SMARCA2: variants seen among roughly 807,000 people sequenced by gnomAD.
SMARCA2 encodes SWI/SNF related BAF chromatin remodeling complex subunit ATPase 2.
Under a neutral mutation model 199.8 loss-of-function variants are expected in SMARCA2, and 61 were observed. The ratio of observed to expected loss-of-function variants is 0.31; its 90% CI spans 0.25 to 0.38. SMARCA2 has a LOEUF of 0.38. SMARCA2 is among the 10% of genes least tolerant of loss of function. SMARCA2 has a pLI of 1.00. For missense variants in SMARCA2, 1,344 were observed against 2,012.2 expected, an observed-to-expected ratio of 0.67 and a Z score of 6.35; for synonymous variants, 935 against 732.0, an observed-to-expected ratio of 1.28 and a Z score of -4.48.
In SMARCA2 at chr9:2,103,983, T is replaced by C; in HGVS notation, c.3126-20T>C. 6.2e-7 allele frequency: 1 copy of C among 1,610,234 alleles called. No individual in the cohort carries two copies. ...CAGAAGTAATACTGTCTTCTTGTTTTTGCATTTTTTTGGGTTCAGGGCTGA... is the reference window on the plus strand; with the variant it reads ...CAGAAGTAATACTGTCTTCTTGTTTCTGCATTTTTTTGGGTTCAGGGCTGA... On this transcript the variant is annotated intron_variant, in intron 22 of 33. Transcript: ENST00000349721.
intron 30 of SMARCA2, 70 bp downstream of exon 30, chr9:2,181,746 T>A: frequency 1.1e-6 from 1 of 873,832 alleles, no homozygotes; most frequent in Non-Finnish European, 1.9e-6. Flanking sequence ...TTGAAATGGT[T>A]GTAGTTGGAG....
chr9:2,078,404 G>T (rs1319592613), intron 14 of SMARCA2, among the ~76,000 whole-genome samples: 1 of 152,070 alleles, frequency 6.6e-6, no homozygotes, highest in African/African-American at 2.4e-5. Flanking sequence ...CTCCGGAGGT[G>T]GAGGTTGCAG....
In SMARCA2 at chr9:2,115,480, G is replaced by GTCATAATTC. The variant is rs1396335806; in HGVS notation, c.3457-340_3457-332dup. On this transcript the variant is annotated intron_variant, in intron 24 of 33. Transcript: ENST00000349721. This position sits in a 1 kb window ranked among gnomAD's most constrained non-coding sequence, Gnocchi z 6.0. Reference sequence around the variant, plus strand: ...AAGGTTAGTTGTAGGTGTTATGTAAGTCATAATTCTGACATTGGACATTGG... The same window carrying GTCATAATTC: ...AAGGTTAGTTGTAGGTGTTATGTAAGTCATAATTCTCATAATTCTGACATTGGACATTGG... Among the ~76,000 whole-genome samples, 4 of 152,314 alleles carry GTCATAATTC rather than the reference G, an allele frequency of 2.6e-5. No homozygotes were observed. In the East Asian group the frequency reaches 7.7e-4, roughly 29 times the overall value.
Position 2,039,951 on chromosome 9 carries a change from C to T in SMARCA2, c.790+51C>T. ...TAATGCCATGGTCCAACTCGGATAA[C>T]AAAGACTGCTCACCAAAACACCGGG... On this transcript the variant is annotated intron_variant, in intron 4 of 33. Coordinates refer to ENST00000349721, the MANE Select transcript of SMARCA2 (RefSeq NM_003070.5). This position sits in a 1 kb window ranked among gnomAD's most constrained non-coding sequence, Gnocchi z 4.8. 3.1e-6 allele frequency: 5 copies of T among 1,596,614 alleles called. No homozygotes were observed. The highest frequency in any genetic ancestry group is 1.7e-5 in the Admixed American group (1 of 59,556).
chr9:2,084,146 C>T lies in SMARCA2; in HGVS notation c.2476C>T (p.Leu826Phe), dbSNP rs1214524871. 1 of 1,611,678 alleles carries T rather than the reference C, an allele frequency of 6.2e-7. No homozygotes were observed. The highest frequency in any genetic ancestry group is 1.1e-5 in the South Asian group (1 of 91,020). Reference sequence around the variant, plus strand: ...GCTACGGAGTGGCAAATTCAATGTCCTCTTGACTACTTATGAGTATATTAT... The same window carrying T: ...GCTACGGAGTGGCAAATTCAATGTCTTCTTGACTACTTATGAGTATATTAT... ...PQLRSGKFNV[L>F]LTTYEYIIKD... Residue 826 changes from leucine to phenylalanine, a missense_variant, in exon 17 of 34, where the codon CTC (leucine) becomes TTC (phenylalanine). By Grantham distance (22) the Leu-to-Phe change is conservative. This residue lies in a region of SMARCA2 where 19 missense variants were observed against 119.6 expected (regional missense o/e 0.16). Coordinates refer to ENST00000349721, the MANE Select transcript of SMARCA2 (RefSeq NM_003070.5).
At chr9:2,101,543 C>A in intron 21 of SMARCA2, 27 bp from the exon 22 acceptor site, 2 of 1,305,262 alleles carry the variant, frequency 1.5e-6, no homozygotes, top group South Asian at 1.4e-5. Flanking sequence ...TTTTTAAAAT[C>A]ATTCTTTCTA....
intron 27 of SMARCA2, among the ~76,000 whole-genome samples, chr9:2,135,897 A>G (rs1381177261): frequency 6.6e-6 from 1 of 151,816 alleles, no homozygotes; most frequent in Non-Finnish European, 1.5e-5. Flanking sequence ...GTTGGAGTGC[A>G]ATGGTGCAAT....
intron 27 of SMARCA2, among the ~76,000 whole-genome samples, chr9:2,155,592 T>C (rs547337530): frequency 4.1e-4 from 63 of 152,298 alleles, no homozygotes; most frequent in African/African-American, 1.4e-3. Context: ...TTTTCGTTTT[T>C]CCAACCAAAT....
chr9:2,173,000 G>C (rs1826340433), intron 29 of SMARCA2, among the ~76,000 whole-genome samples: 1 of 152,184 alleles, frequency 6.6e-6, no homozygotes, highest in Non-Finnish European at 1.5e-5. Context: ...GCAGTAGGTA[G>C]GAAGACAAGG....
chr9:2,072,703 A>T (rs150448566), intron 10 of SMARCA2, among the ~76,000 whole-genome samples: 5 of 152,358 alleles, frequency 3.3e-5, no homozygotes, highest in African/African-American at 1.2e-4. Context: ...AGTCTGCCTG[A>T]TTTAAATAAA....
intron 22 of SMARCA2, 35 bp downstream of exon 22, chr9:2,101,651 A>T: frequency 2.6e-6 from 3 of 1,159,326 alleles, no homozygotes; most frequent in South Asian, 1.3e-5. Flanking sequence ...TTAAAAAAAA[A>T]TGTTGTTGGC....
chr9:2,031,106 T>A (rs1359020601), intron 2 of SMARCA2, among the ~76,000 whole-genome samples: 1 of 152,214 alleles, frequency 6.6e-6, no homozygotes, highest in Non-Finnish European at 1.5e-5. Flanking sequence ...TTGGTTACTT[T>A]TCTTTTGCTA....
intron 9 of SMARCA2, among the ~76,000 whole-genome samples, chr9:2,063,137 G>T (rs1468849999): frequency 6.6e-6 from 1 of 152,130 alleles, no homozygotes; most frequent in East Asian, 1.9e-4. Flanking sequence ...AGTCGGAGGG[G>T]CTCTATTTCC....
chr9:2,052,390 C>T (rs1016765481), intron 5 of SMARCA2, among the ~76,000 whole-genome samples: 15 of 152,174 alleles, frequency 9.9e-5, no homozygotes, highest in Non-Finnish European at 2.2e-4. Context: ...GCAGGAGAAT[C>T]GCTTGAACCT....
intron 10 of SMARCA2, 47 bp downstream of exon 10, chr9:2,070,518 G>T: frequency 1.3e-5 from 18 of 1,413,048 alleles, no homozygotes; most frequent in Non-Finnish European, 1.8e-5. Context: ...AATGGAGTCT[G>T]TGCCATACCT....
intron 27 of SMARCA2, among the ~76,000 whole-genome samples, chr9:2,156,026 A>T (rs1825342815): frequency 6.6e-6 from 1 of 152,068 alleles, no homozygotes; most frequent in Admixed American, 6.5e-5. Flanking sequence ...CTTCAGACCA[A>T]CTCATCTCTT....
intron 4 of SMARCA2, chr9:2,041,632 G>A: frequency 2.6e-6 from 1 of 380,838 alleles, no homozygotes; most frequent in Non-Finnish European, 4.6e-6. Flanking sequence ...GGTTTTAAAA[G>A]GGCAAGAAAG....
chr9:2,123,901 C>T lies in SMARCA2; in HGVS notation c.3945C>T (p.Asp1315=). ...GGTCCCGCCAGCGCCGTGACGTGGACTACAGTGACGCCCTCACGGAGAAGC... is the reference window on the plus strand; with the variant it reads ...GGTCCCGCCAGCGCCGTGACGTGGATTACAGTGACGCCCTCACGGAGAAGC... ...GRGSRQRRDV[D]YSDALTEKQW... is the part of the protein sequence containing the mutation. The change falls in exon 27 of 34, where the codon GAC becomes GAT. Residue 1315 remains aspartate (D), a synonymous_variant. Coordinates refer to ENST00000349721, the MANE Select transcript of SMARCA2 (RefSeq NM_003070.5). This position sits in a 1 kb window ranked among gnomAD's most constrained non-coding sequence, Gnocchi z 4.1. 1 of 1,587,852 alleles carries T rather than the reference C, an allele frequency of 6.3e-7. No individual in the cohort carries two copies. The highest frequency in any genetic ancestry group is 1.1e-5 in the South Asian group (1 of 87,208).
rs1819517849 is a variant in SMARCA2 at position 2,039,812 on chromosome 9, G to GCAA, written c.704_705insACA (p.Gln238dup). The GCAA allele has an allele frequency of 1.9e-6, 3 of 1,606,164 alleles. No individual in the cohort carries two copies. Among genetic ancestry groups the GCAA allele is most frequent in the African/African-American group, 1.3e-5 (1 of 74,792 alleles). On this transcript the variant is annotated inframe_insertion, in exon 4 of 34. Transcript: ENST00000349721. This position sits in a 1 kb window ranked among gnomAD's most constrained non-coding sequence, Gnocchi z 4.8. ...AGCAGCAGCAGCAGCAGCAGCAGCA[G>GCAA]CAGCAACAGCAGCCGCAGCAGCAGC...
Sources: gnomAD v4.1 joint callset for allele counts (sites outside exome capture counted in the v4.1 genomes callset) on GRCh38, gnomAD v4.1.1 for gene constraint, gnomAD v4.1.1 regional missense constraint, Gnocchi (gnomAD v3.1) non-coding constraint, MANE v1.5 for transcripts, NCBI Gene and HGNC (gene_info 2026-07-23, HGNC 2026-07-21) for gene names.